The following VPS13C variants were observed in gnomAD, a reference collection of about 807,000 sequenced individuals.
VPS13C encodes the protein vacuolar protein sorting 13 homolog C.
A neutral mutation model predicts 456.8 loss-of-function variants in VPS13C; 358 were observed. That is an observed-to-expected ratio of 0.78 (90% confidence interval 0.72 to 0.86). The LOEUF (loss-of-function observed/expected upper bound fraction) is 0.86, where lower values mean the gene tolerates loss of function less well. Among genes scored for constraint, VPS13C ranks in the 40% least tolerant of loss-of-function variants. The pLI, the probability that VPS13C is intolerant of heterozygous loss-of-function variation, is 0.00. For missense variants in VPS13C, 4,818 were observed against 4,385.4 expected (o/e 1.10, Z -2.79); for synonymous variants, 1,578 against 1,486.7 (o/e 1.06, Z -1.41).
At chr15:61,864,500 T>A in intron 81 of VPS13C, 1 of 836,922 alleles carries the variant, frequency 1.2e-6, no homozygotes, top group South Asian at 5.5e-5. Flanking sequence ...ACTGAATAAA[T>A]AAGACCTTGA....
rs776031793 is a variant in VPS13C, at chr15:61,991,001, T to A, written c.1577A>T (p.Gln526Leu). 23 of 1,606,300 alleles carry A rather than the reference T, an allele frequency of 1.4e-5. No homozygotes were observed. In the South Asian group the frequency reaches 2.3e-4, roughly 16 times the overall value. ...CCTTTAAACCACTTAAATAATTACC[T>A]GCTTAGGTAAAGTTAGGTTGTGGGT... ...ESTHNLTLPK[Q>L]YVAHIMTLKL... is the part of the protein sequence containing the mutation. The change falls in exon 18 of 85, where the codon CAG (glutamine) becomes CTG (leucine). Residue 526 changes from glutamine to leucine, a missense_variant and splice_region_variant. Transcript: ENST00000644861.
Position 61,991,047 on chromosome 15 carries a change from C to T in VPS13C, c.1531G>A (p.Ala511Thr). Residue 511 changes from alanine (A) to threonine (T), a missense_variant, in exon 18 of 85, where the codon GCC becomes ACC. This residue lies in a region of VPS13C where 4,552 missense variants were observed against 4,130.6 expected (regional missense o/e 1.10). Coordinates refer to ENST00000644861, the MANE Select transcript of VPS13C (RefSeq NM_020821.3). The stretch of plus-strand genomic sequence containing the variant: ...TGGGTACTCTCACTATAACCAATGG[C>T]AGTGAAGAGTTTATCTTTTTCCTCT... ...TPEEKDKLFT[A>T]IGYSESTHNL... 1.9e-6 allele frequency: 3 copies of T among 1,612,546 alleles called. No individual in the cohort carries two copies. Among genetic ancestry groups the T allele is most frequent in the Non-Finnish European group, 2.5e-6 (3 of 1,179,468 alleles).
Position 61,882,587 on chromosome 15 carries a change from C to T in VPS13C, c.9624+9G>A. The T allele has an allele frequency of 1.3e-6, 2 of 1,510,442 alleles. No homozygotes were observed. The highest frequency in any genetic ancestry group is 1.8e-6 in the Non-Finnish European group (2 of 1,133,216). 93.6% of individuals were successfully genotyped at this position (1,510,442 alleles called of 1,614,324 possible). Reference sequence around the variant, plus strand: ...ATGATAAATACTTATTTGAGAATGACAATGTTACCTGAAGCCAGTACAACC... The same window carrying T: ...ATGATAAATACTTATTTGAGAATGATAATGTTACCTGAAGCCAGTACAACC... On this transcript the variant is annotated intron_variant, in intron 69 of 84. Coordinates refer to ENST00000644861, the MANE Select transcript of VPS13C (RefSeq NM_020821.3).
At chr15:61,981,704 CA>C (rs1002212644) in intron 21 of VPS13C, among the ~76,000 whole-genome samples, 2 of 150,556 alleles carry the variant, frequency 1.3e-5, no homozygotes, top group African/African-American at 2.4e-5. Flanking sequence ...ACTAAAAATA[CA>C]AAAAAAAATT....
intron 9 of VPS13C, among the ~76,000 whole-genome samples, chr15:62,018,053 G>C (rs2047321410): frequency 6.6e-6 from 1 of 152,114 alleles, no homozygotes; most frequent in Admixed American, 6.6e-5. Context: ...AATCAATTGT[G>C]AATGGGAGTT....
intron 67 of VPS13C, among the ~76,000 whole-genome samples, chr15:61,886,581 TA>T (rs1294801067): frequency 6.6e-6 from 1 of 152,246 alleles, no homozygotes; most frequent in East Asian, 1.9e-4. Context: ...AGAAGCCATG[TA>T]AAAGAACAGA....
intron 37 of VPS13C, among the ~76,000 whole-genome samples, chr15:61,957,821 G>C (rs2045058737): frequency 6.6e-6 from 1 of 152,010 alleles, no homozygotes; most frequent in African/African-American, 2.4e-5. Flanking sequence ...CTAGGAACTT[G>C]CTAAATAAAT....
At chr15:61,864,224 T>A (rs1019740734) in intron 81 of VPS13C, 2 of 655,768 alleles carry the variant, frequency 3.0e-6, no homozygotes, top group African/African-American at 3.9e-5. Flanking sequence ...AATATTAATA[T>A]GAACAATTTC....
Position 62,010,487 on chromosome 15 carries a change from TTCAATGGCAATATTTTG to T in VPS13C, c.979_995del (p.Gln327ThrfsTer11). Reference sequence around the variant, plus strand: ...TGAATCATACCTGAGGTTTGGTCAGTTCAATGGCAATATTTTGTATTTCTATGTTGCAATCCAGTTTG... The same window carrying T: ...TGAATCATACCTGAGGTTTGGTCAGTTATTTCTATGTTGCAATCCAGTTTG... On this transcript the variant is annotated frameshift_variant, in exon 13 of 85. Transcript: ENST00000644861. LOFTEE classifies it high-confidence loss of function. 6.2e-7 allele frequency: 1 copy of T among 1,612,654 alleles called. No individual in the cohort carries two copies. Among genetic ancestry groups the T allele is most frequent in the Non-Finnish European group, 8.5e-7 (1 of 1,179,436 alleles).
At chr15:61,866,972 T>C in intron 81 of VPS13C, 1 of 981,170 alleles carries the variant, frequency 1.0e-6, no homozygotes. Flanking sequence ...AACATTTCCA[T>C]CATTTATTAC....
intron 30 of VPS13C, among the ~76,000 whole-genome samples, chr15:61,965,395 A>G (rs2045347554): frequency 1.3e-5 from 2 of 151,932 alleles, no homozygotes; most frequent in Non-Finnish European, 2.9e-5. Context: ...CTTGTAGGGG[A>G]AAAGTACTAC....
chr15:61,896,292 G>A lies in VPS13C; in HGVS notation c.9106-5892C>T, dbSNP rs946098825. 9.8e-5 allele frequency among the ~76,000 whole-genome samples: 15 copies of A among 152,338 alleles called. No individual in the cohort carries two copies. The East Asian group carries it at 1.5e-3, about 16-fold the overall frequency. The stretch of plus-strand genomic sequence containing the variant: ...ACAGCTCCGGTCTACAGCTCACAGC[G>A]TGAGCGACACAGAAGACGGGTGATT... On this transcript the variant is annotated intron_variant, in intron 66 of 84. Transcript: ENST00000644861.
chr15:61,986,140 C>G (rs1305351651), intron 18 of VPS13C, among the ~76,000 whole-genome samples: 2 of 151,172 alleles, frequency 1.3e-5, no homozygotes, highest in African/African-American at 4.9e-5. Flanking sequence ...CACACACACA[C>G]ACACAGACAG....
intron 81 of VPS13C, chr15:61,865,722 ATG>A (rs943255389): frequency 2.2e-4 from 100 of 463,108 alleles, no homozygotes; most frequent in Middle Eastern, 1.1e-3. Context: ...GTGTGTATAT[ATG>A]TGTTTGTGTG....
chr15:61,925,513 A>G lies in VPS13C; in HGVS notation c.6552T>C (p.Cys2184=), dbSNP rs577933600. The G allele has an allele frequency of 1.2e-4, 188 of 1,604,356 alleles. No homozygotes were observed. The South Asian group carries it at 2.0e-3, about 17-fold the overall frequency. ...LQPCSLFMEK[C]TWASGKQNIN... ...TATTTTGCTTTCCTGAAGCCCACGT[A>G]CATTTTTCCATAAATAAAGAACAGG... Residue 2184 remains cysteine (C), a synonymous_variant, in exon 53 of 85, where the codon TGT becomes TGC. Transcript: ENST00000644861.
chr15:61,922,724 C>A lies in VPS13C; in HGVS notation c.6648G>T (p.Met2216Ile). The A allele has an allele frequency of 3.7e-6, 6 of 1,612,538 alleles. No individual in the cohort carries two copies. Among genetic ancestry groups the A allele is most frequent in the Non-Finnish European group, 5.1e-6 (6 of 1,179,458 alleles). Residue 2216 changes from methionine to isoleucine, a missense_variant, in exon 54 of 85, where the codon ATG (methionine) becomes ATT (isoleucine). Transcript: ENST00000644861. The part of the protein sequence containing the change: ...PIILNTVLTI[M>I]AALSPKTKED... ...CTTTTGTTTTTGGAGACAATGCAGC[C>A]ATGATTGTCAACACAGTATTAAGAA...
chr15:62,018,351 C>T (rs2047335485), intron 9 of VPS13C, among the ~76,000 whole-genome samples: 1 of 151,890 alleles, frequency 6.6e-6, no homozygotes, highest in East Asian at 1.9e-4. Context: ...GAGAGGGCAT[C>T]CCTGTCTTGT....
At chr15:61,952,920 T>G (rs1287608978) in intron 38 of VPS13C, among the ~76,000 whole-genome samples, 1 of 151,962 alleles carries the variant, frequency 6.6e-6, no homozygotes, top group Non-Finnish European at 1.5e-5. Flanking sequence ...GATGGGGTCT[T>G]GTTATGTTGC....
chr15:62,048,468 G>A (rs2048504556), intron 1 of VPS13C, among the ~76,000 whole-genome samples: 1 of 152,106 alleles, frequency 6.6e-6, no homozygotes, highest in Admixed American at 6.5e-5. Flanking sequence ...ATTCCATGGT[G>A]TATATGTGCC....
Sources: gnomAD v4.1 joint callset for allele counts (sites outside exome capture counted in the v4.1 genomes callset) on GRCh38, gnomAD v4.1.1 for gene constraint, gnomAD v4.1.1 regional missense constraint, MANE v1.5 for transcripts, NCBI Gene and HGNC (gene_info 2026-07-23, HGNC 2026-07-21) for gene names.